IGFBP7: variants seen among roughly 807,000 people sequenced by gnomAD.
The protein encoded by IGFBP7 is insulin like growth factor binding protein 7.
Under a neutral mutation model 29.4 loss-of-function variants are expected in IGFBP7, and 31 were observed. The ratio of observed to expected loss-of-function variants is 1.05; its 90% CI spans 0.79 to 1.42. The LOEUF (loss-of-function observed/expected upper bound fraction) is 1.42. Ranked by LOEUF, IGFBP7 falls within the 40% of genes most tolerant of loss-of-function variation. The pLI is 0.00. For missense variants in IGFBP7, 393 were observed against 395.5 expected (o/e 0.99, Z 0.05); for synonymous variants, 172 against 174.9 (o/e 0.98, Z 0.13).
At chr4:57,039,302 T>A (rs965988521) in intron 2 of IGFBP7, among the ~76,000 whole-genome samples, 5 of 152,188 alleles carry the variant, frequency 3.3e-5, no homozygotes, top group Non-Finnish European at 7.3e-5. Flanking sequence ...TTACTTGCAT[T>A]ACTTTATTTC....
chr4:57,093,770 T>G (rs562631572), intron 1 of IGFBP7, among the ~76,000 whole-genome samples: 2 of 152,286 alleles, frequency 1.3e-5, no homozygotes, highest in Non-Finnish European at 2.9e-5. Flanking sequence ...TAAGCAAACA[T>G]AAGATTCACT....
chr4:57,081,957 A>G (rs1392319893), intron 1 of IGFBP7, among the ~76,000 whole-genome samples: 1 of 152,130 alleles, frequency 6.6e-6, no homozygotes, highest in African/African-American at 2.4e-5. Context: ...AACAGTTTGC[A>G]TCCAACAGAC....
At chr4:57,058,579 C>G (rs959032335) in intron 1 of IGFBP7, among the ~76,000 whole-genome samples, 1 of 152,176 alleles carries the variant, frequency 6.6e-6, no homozygotes, top group Non-Finnish European at 1.5e-5. Flanking sequence ...CTTCCTTACA[C>G]CATATGAAAA....
At position 57,032,438 on chromosome 4, in the gene IGFBP7, G is replaced by C. The variant is rs752551943; in HGVS notation, c.817C>G (p.Pro273Ala). ...ATTTATTGTGTACCTTTTTTCACTGGTATTTCATGTAAGGCATCAACCACT... is the reference window on the plus strand; with the variant it reads ...ATTTATTGTGTACCTTTTTTCACTGCTATTTCATGTAAGGCATCAACCACT... ...ITVVDALHEI[P>A]VKKGEGAEL Residue 273 changes from proline (P) to alanine (A), a missense_variant, in exon 4 of 5, where the codon CCA becomes GCA. Pro to Ala is a conservative substitution (Grantham distance 27). Coordinates refer to ENST00000295666, the MANE Select transcript of IGFBP7 (RefSeq NM_001553.3). 7.8e-5 allele frequency: 126 copies of C among 1,612,320 alleles called. No homozygotes were observed. The highest frequency in any genetic ancestry group is 1.0e-4 in the Non-Finnish European group (118 of 1,179,234).
intron 1 of IGFBP7, among the ~76,000 whole-genome samples, chr4:57,064,797 G>A (rs1370910857): frequency 1.3e-5 from 2 of 152,142 alleles, no homozygotes; most frequent in Admixed American, 1.3e-4. Context: ...CCTAGATAAC[G>A]GCAGAAAAGG....
intron 1 of IGFBP7, among the ~76,000 whole-genome samples, chr4:57,046,432 A>G (rs1724363731): frequency 6.6e-6 from 1 of 152,174 alleles, no homozygotes; most frequent in South Asian, 2.1e-4. Context: ...CAGATCGAGA[A>G]TTTATTTCTG....
chr4:57,032,304 T>G (rs985727032), intron 4 of IGFBP7, 122 bp downstream of exon 4: 4 of 1,482,900 alleles, frequency 2.7e-6, no homozygotes, highest in African/African-American at 1.4e-5. Flanking sequence ...CTTAATGCCC[T>G]TATGGGTTGC....
intron 1 of IGFBP7, among the ~76,000 whole-genome samples, chr4:57,086,795 G>A (rs1337288197): frequency 6.6e-6 from 1 of 152,036 alleles, no homozygotes; most frequent in Non-Finnish European, 1.5e-5. Context: ...GTGTAGTGGC[G>A]CGATCTCAGC....
chr4:57,079,670 C>T (rs979408086), intron 1 of IGFBP7, among the ~76,000 whole-genome samples: 9 of 152,078 alleles, frequency 5.9e-5, no homozygotes, highest in African/African-American at 1.9e-4. Flanking sequence ...TTTTTTTAAA[C>T]CTCAAGTGAA....
chr4:57,039,468 TG>T (rs750346742), intron 2 of IGFBP7, among the ~76,000 whole-genome samples: 10 of 152,012 alleles, frequency 6.6e-5, no homozygotes, highest in Admixed American at 1.3e-4. Flanking sequence ...ACAGGGGGGA[TG>T]GGGGAATGCT....
At chr4:57,086,366 T>C (rs982457923) in intron 1 of IGFBP7, among the ~76,000 whole-genome samples, 2 of 152,188 alleles carry the variant, frequency 1.3e-5, no homozygotes, top group Admixed American at 6.5e-5. Flanking sequence ...GCTGGGGGTT[T>C]TGAGAGTTCA....
chr4:57,037,659 T>A lies in IGFBP7; in HGVS notation c.585+3165A>T, dbSNP rs543176937. ...AAGATTCCCGAGGCAGACGTATTCC[T>A]CTGGTATGTGAATACTGTAGCTGGG... On this transcript the variant is annotated intron_variant, in intron 2 of 4. Transcript: ENST00000295666. Among the ~76,000 whole-genome samples the A allele has an allele frequency of 7.9e-5, 12 of 152,266 alleles. No individual in the cohort carries two copies. The South Asian group carries it at 2.1e-3, about 26-fold the overall frequency.
At chr4:57,074,276 G>A (rs1033513750) in intron 1 of IGFBP7, among the ~76,000 whole-genome samples, 6 of 152,188 alleles carry the variant, frequency 3.9e-5, no homozygotes, top group Non-Finnish European at 7.3e-5. Context: ...GGCCAGTCTT[G>A]TCTTGAACTC....
At chr4:57,055,330 T>G (rs897790694) in intron 1 of IGFBP7, among the ~76,000 whole-genome samples, 1 of 151,856 alleles carries the variant, frequency 6.6e-6, no homozygotes, top group African/African-American at 2.4e-5. Flanking sequence ...GGGCGTGGAG[T>G]CTGGTACAGG....
At chr4:57,096,052 T>G (rs1394651417) in intron 1 of IGFBP7, among the ~76,000 whole-genome samples, 1 of 152,022 alleles carries the variant, frequency 6.6e-6, no homozygotes, top group African/African-American at 2.4e-5. Flanking sequence ...GAGCGTATGT[T>G]CTAGTGAAAT....
chr4:57,100,758 C>T (rs965877325), intron 1 of IGFBP7, among the ~76,000 whole-genome samples: 6 of 152,152 alleles, frequency 3.9e-5, no homozygotes, highest in African/African-American at 9.7e-5. Flanking sequence ...GAAATAATTC[C>T]GAGTTTATAA....
chr4:57,081,454 T>A (rs1364826474), intron 1 of IGFBP7, among the ~76,000 whole-genome samples: 1 of 152,102 alleles, frequency 6.6e-6, no homozygotes, highest in African/African-American at 2.4e-5. Flanking sequence ...CTGACCTCTG[T>A]TTAAATGTTT....
chr4:57,032,530 T>C lies in IGFBP7; in HGVS notation c.725A>G (p.Asp242Gly). The C allele has an allele frequency of 9.3e-6, 15 of 1,613,920 alleles. No homozygotes were observed. The highest frequency in any genetic ancestry group is 1.3e-5 in the Non-Finnish European group (15 of 1,179,778). ...WVLVSPLSKE[D>G]AGEYECHASN... ...TGCATGGCACTCATATTCTCCAGCA[T>C]CTTCCTTACTTAGAGGAGATACCTG... The change falls in exon 4 of 5, where the codon GAT (aspartate) becomes GGT (glycine). Residue 242 changes from aspartate (D) to glycine (G), a missense_variant. Coordinates refer to ENST00000295666, the MANE Select transcript of IGFBP7 (RefSeq NM_001553.3).
At chr4:57,085,142 A>T (rs1198443823) in intron 1 of IGFBP7, among the ~76,000 whole-genome samples, 4 of 151,956 alleles carry the variant, frequency 2.6e-5, no homozygotes, top group Non-Finnish European at 5.9e-5. Context: ...CTAGAATATC[A>T]ATAGGTATTT....
Sources: gnomAD v4.1 joint callset for allele counts (sites outside exome capture counted in the v4.1 genomes callset) on GRCh38, gnomAD v4.1.1 for gene constraint, MANE v1.5 for transcripts, NCBI Gene and HGNC (gene_info 2026-07-23, HGNC 2026-07-21) for gene names.